Variants in SLCO1B1 observed in about 807,000 individuals in gnomAD.
The protein encoded by SLCO1B1 is solute carrier organic anion transporter family member 1B1, also known as OATP-2.
SLCO1B1 carries 81 observed loss-of-function variants against 70.1 expected under a neutral mutation model. The ratio of observed to expected loss-of-function variants is 1.16; its 90% CI spans 0.97 to 1.39. The LOEUF (loss-of-function observed/expected upper bound fraction) is 1.39, where lower values mean the gene tolerates loss of function less well. Ranked by LOEUF, SLCO1B1 falls within the 40% of genes most tolerant of loss-of-function variation. The probability of loss-of-function intolerance (pLI) is 0.00; values close to 1 mark genes in which losing one functional copy is unlikely to be tolerated. For synonymous variants in SLCO1B1, 283 were observed against 271.5 expected, an observed-to-expected ratio of 1.04 and a Z score of -0.42; for missense variants, 895 against 799.6, an observed-to-expected ratio of 1.12 and a Z score of -1.44.
At chr12:21,134,670 G>A (rs186561099) in intron 1 of SLCO1B1, among the ~76,000 whole-genome samples, 21 of 152,088 alleles carry the variant, frequency 1.4e-4, no homozygotes, top group Admixed American at 7.2e-4. Flanking sequence ...CTGTGGGATC[G>A]GTGGTTATAT....
intron 2 of SLCO1B1, among the ~76,000 whole-genome samples, chr12:21,168,028 G>A (rs145026338): frequency 6.6e-6 from 1 of 150,678 alleles, no homozygotes; most frequent in African/African-American, 2.4e-5. Context: ...TCACTATGTT[G>A]GCTAGGCTGG....
chr12:21,220,830 A>AG (rs1941415213), intron 12 of SLCO1B1, among the ~76,000 whole-genome samples: 1 of 150,446 alleles, frequency 6.6e-6, no homozygotes. Context: ...AAAAAAAAAA[A>AG]GAAAAGAAAA....
At chr12:21,135,043 T>C (rs1940198331) in intron 1 of SLCO1B1, among the ~76,000 whole-genome samples, 2 of 152,208 alleles carry the variant, frequency 1.3e-5, no homozygotes, top group Admixed American at 6.5e-5. Context: ...GTGTTTGTTC[T>C]CATTGGTTTC....
intron 12 of SLCO1B1, among the ~76,000 whole-genome samples, 157 bp downstream of exon 12, chr12:21,217,460 C>G (rs1357808877): frequency 1.3e-5 from 2 of 152,094 alleles, no homozygotes; most frequent in Non-Finnish European, 1.5e-5. Context: ...TATGAACTCT[C>G]AAGGCTGTAA....
chr12:21,149,559 G>A (rs573215823), intron 2 of SLCO1B1, among the ~76,000 whole-genome samples: 256 of 152,260 alleles, frequency 1.7e-3, no homozygotes, highest in Non-Finnish European at 2.7e-3. Context: ...GGGGCAAGCC[G>A]AAGCAGGGTA....
At chr12:21,192,480 T>A (rs530559553) in intron 7 of SLCO1B1, among the ~76,000 whole-genome samples, 2 of 151,906 alleles carry the variant, frequency 1.3e-5, no homozygotes, top group African/African-American at 4.8e-5. Context: ...TTTTCTCTTT[T>A]GCTTAGTCTA....
intron 2 of SLCO1B1, among the ~76,000 whole-genome samples, chr12:21,166,676 T>G (rs1292386083): frequency 6.6e-6 from 1 of 152,216 alleles, no homozygotes; most frequent in Non-Finnish European, 1.5e-5. Context: ...AACTCTTATT[T>G]ACTGCCAGTG....
intron 14 of SLCO1B1, among the ~76,000 whole-genome samples, chr12:21,227,960 A>G (rs879364490): frequency 6.6e-6 from 1 of 152,078 alleles, no homozygotes; most frequent in Non-Finnish European, 1.5e-5. Context: ...TATACTGCAA[A>G]GACCATTGTG....
At chr12:21,150,597 G>A (rs772934665) in intron 2 of SLCO1B1, among the ~76,000 whole-genome samples, 1 of 152,158 alleles carries the variant, frequency 6.6e-6, no homozygotes, top group Non-Finnish European at 1.5e-5. Flanking sequence ...ACCTGCAGCT[G>A]AGGGGCCTGA....
intron 2 of SLCO1B1, among the ~76,000 whole-genome samples, chr12:21,161,499 GGGTCTAGCTGA>G (rs1940619319): frequency 6.6e-6 from 1 of 151,992 alleles, no homozygotes; most frequent in African/African-American, 2.4e-5. Context: ...ACAAACACTG[GGGTCTAGCTGA>G]GGTTGGAGGG....
intron 2 of SLCO1B1, among the ~76,000 whole-genome samples, chr12:21,147,115 T>A (rs1157192759): frequency 6.6e-6 from 1 of 151,764 alleles, no homozygotes; most frequent in African/African-American, 2.4e-5. Flanking sequence ...GGTGCCTCTA[T>A]GTTAAGAAGT....
chr12:21,184,380 C>T (rs1176872087), intron 7 of SLCO1B1, among the ~76,000 whole-genome samples: 3 of 152,148 alleles, frequency 2.0e-5, no homozygotes, highest in African/African-American at 7.2e-5. Flanking sequence ...GATCAAGTCA[C>T]TGTCAAGGGG....
At chr12:21,175,059 G>T (rs1385385036) in intron 4 of SLCO1B1, among the ~76,000 whole-genome samples, 23 of 152,090 alleles carry the variant, frequency 1.5e-4, no homozygotes, top group Admixed American at 1.4e-3. Context: ...AAGTATAGTT[G>T]TTCCCATCAT....
intron 2 of SLCO1B1, among the ~76,000 whole-genome samples, chr12:21,143,720 A>T (rs1398363678): frequency 6.6e-6 from 1 of 152,100 alleles, no homozygotes; most frequent in Non-Finnish European, 1.5e-5. Flanking sequence ...TATTGCTAAA[A>T]TAAATGTGGA....
chr12:21,207,629 G>A (rs1157055883), intron 11 of SLCO1B1, among the ~76,000 whole-genome samples: 1 of 151,968 alleles, frequency 6.6e-6, no homozygotes, highest in East Asian at 1.9e-4. Flanking sequence ...GTTTTTGGTA[G>A]AAGAATTTAT....
chr12:21,137,987 C>T (rs925933460), intron 1 of SLCO1B1, among the ~76,000 whole-genome samples: 10 of 152,152 alleles, frequency 6.6e-5, no homozygotes, highest in African/African-American at 2.2e-4. Flanking sequence ...CTCCTCCCCT[C>T]AGCACAGTTT....
intron 14 of SLCO1B1, among the ~76,000 whole-genome samples, chr12:21,234,470 C>A (rs925313363): frequency 4.6e-5 from 7 of 152,204 alleles, no homozygotes; most frequent in African/African-American, 1.7e-4. Flanking sequence ...GTTTCCCAGG[C>A]AAGAAGCTGG....
intron 7 of SLCO1B1, among the ~76,000 whole-genome samples, chr12:21,187,765 A>G (rs992230137): frequency 2.0e-5 from 3 of 152,210 alleles, no homozygotes. Context: ...GATTAACAAC[A>G]TGGCCAATCA....
chr12:21,178,201 G>T (rs4149053), intron 5 of SLCO1B1, among the ~76,000 whole-genome samples: 48,601 of 151,778 alleles, frequency 0.32, 8,782 homozygotes, highest in East Asian at 0.49. Flanking sequence ...TGGTAATGAA[G>T]AAGTCTCACA....
Sources: allele counts gnomAD v4.1 joint callset (sites outside exome capture counted in the v4.1 genomes callset), GRCh38; gene constraint gnomAD v4.1.1; transcripts MANE v1.5; gene names NCBI Gene and HGNC (gene_info 2026-07-23, HGNC 2026-07-21).